Variants in C1QL3 observed in about 807,000 individuals in gnomAD.
C1QL3 encodes complement C1q-like protein 3.
A neutral mutation model predicts 16.6 loss-of-function variants in C1QL3; 4 were observed. The observed-to-expected ratio is 0.24, with a 90% CI of 0.12 to 0.55. The LOEUF (loss-of-function observed/expected upper bound fraction) is 0.55, where lower values mean the gene tolerates loss of function less well. Ranked by LOEUF, C1QL3 falls within the 20% of genes least tolerant of loss-of-function variation. C1QL3 has a pLI of 0.94. For missense variants in C1QL3, 269 were observed against 365.6 expected, an observed-to-expected ratio of 0.74 and a Z score of 2.16; for synonymous variants, 189 against 160.2, an observed-to-expected ratio of 1.18 and a Z score of -1.36.
Position 16,520,782 on chromosome 10 carries a change from T to C in C1QL3, c.284A>G (p.Glu95Gly), listed in dbSNP as rs2133543079. Residue 95 changes from glutamate to glycine, a missense_variant, in exon 1 of 2, where the codon GAG becomes GGG. Transcript: ENST00000298943. This position sits in a 1 kb window ranked among gnomAD's most constrained non-coding sequence, Gnocchi z 8.3. Reference protein sequence around the residue: ...GPMGPPGEKGEPGRQGLPGPP... With the variant: ...GPMGPPGEKGGPGRQGLPGPP... ...GCCCGGCAGGCCTTGGCGGCCCGGC[T>C]CGCCCTTCTCGCCCGGGGGCCCCAT... The C allele has an allele frequency of 7.7e-7, 1 of 1,298,382 alleles. No individual in the cohort carries two copies. Among genetic ancestry groups the C allele is most frequent in the Non-Finnish European group, 9.8e-7 (1 of 1,022,396 alleles). The allele number at this position is 1,298,382 out of a possible 1,614,324, so 80.4% of individuals were successfully genotyped here. A position where few individuals can be genotyped will look rare whatever the true frequency, so the allele number is the denominator to read the frequency against.
At chr10:16,514,929 A>T (rs1397036280) in intron 1 of C1QL3, among the ~76,000 whole-genome samples, 1 of 152,122 alleles carries the variant, frequency 6.6e-6, no homozygotes, top group African/African-American at 2.4e-5. Flanking sequence ...TTCAGTGGGG[A>T]CCATTCTGGC....
intron 1 of C1QL3, among the ~76,000 whole-genome samples, chr10:16,519,804 C>T (rs1298227764): frequency 6.6e-6 from 1 of 152,204 alleles, no homozygotes; most frequent in Non-Finnish European, 1.5e-5. Context: ...CCCCGAATCT[C>T]AACTATTCTT....
chr10:16,519,204 G>GAA (rs1022296771), intron 1 of C1QL3, among the ~76,000 whole-genome samples: 17 of 126,474 alleles, frequency 1.3e-4, no homozygotes, highest in African/African-American at 5.3e-4. Flanking sequence ...TAGGTCTTCC[G>GAA]AATCCTGCTT....
At chr10:16,519,139 A>ATTTTTTTTTTTTTT (rs1385047282) in intron 1 of C1QL3, among the ~76,000 whole-genome samples, 1 of 26,138 alleles carries the variant, frequency 3.8e-5, no homozygotes, top group African/African-American at 3.2e-4. Flanking sequence ...CGCATTTAGG[A>ATTTTTTTTTTTTTT]CTTTTTTTTT....
At chr10:16,517,894 T>C (rs1836978654) in intron 1 of C1QL3, among the ~76,000 whole-genome samples, 4 of 152,218 alleles carry the variant, frequency 2.6e-5, no homozygotes, top group African/African-American at 9.6e-5. Context: ...TTTACTGGTC[T>C]TTGATGTTTC....
chr10:16,517,770 A>G (rs1157122845), intron 1 of C1QL3, among the ~76,000 whole-genome samples: 1 of 152,212 alleles, frequency 6.6e-6, no homozygotes, highest in Non-Finnish European at 1.5e-5. Flanking sequence ...ATTAGAGATC[A>G]TATTTATGGT....
At position 16,521,084 on chromosome 10, in the gene C1QL3, G is replaced by C. The variant is rs766886131; in HGVS notation, c.-19C>G. The C allele has an allele frequency of 2.5e-6, 4 of 1,585,198 alleles. No homozygotes were observed. The highest frequency in any genetic ancestry group is 2.7e-5 in the African/African-American group (2 of 74,044). On this transcript the variant is annotated 5_prime_UTR_variant, in exon 1 of 2. Coordinates refer to ENST00000298943, the MANE Select transcript of C1QL3 (RefSeq NM_001010908.2). ...GCACCATCACCACCCCCAGCGCCCC[G>C]GCGGCGATCAGGCGCCTCCTGCTGC...
rs1837048545 is a variant in C1QL3, at chr10:16,521,778, G to GGAGC, written c.-717_-714dup. 1 of 153,032 alleles carries GGAGC rather than the reference G, an allele frequency of 6.5e-6. No individual in the cohort carries two copies. Among genetic ancestry groups the GGAGC allele is most frequent in the African/African-American group, 2.4e-5 (1 of 41,438 alleles). 9.5% of individuals were successfully genotyped at this position (153,032 alleles called of 1,614,324 possible). A position where few individuals can be genotyped will look rare whatever the true frequency, so the allele number is the denominator to read the frequency against. The stretch of plus-strand genomic sequence containing the variant: ...CGGCGAGGCTCAGAGCTGGGGCGGA[G>GGAGC]GAGCGAGCGAGCAGCGGCGAGCGCC... On this transcript the variant is annotated 5_prime_UTR_variant, in exon 1 of 2. Coordinates refer to ENST00000298943, the MANE Select transcript of C1QL3 (RefSeq NM_001010908.2).
At position 16,520,453 on chromosome 10, in the gene C1QL3, C is replaced by G; in HGVS notation, c.588+25G>C. ...CACCTTCCCGCGCTCCCTCCCCGCC[C>G]TCCCCGCCGCCCGCCCGCGCTCACC... is the stretch of plus-strand genomic sequence containing the variant. On this transcript the variant is annotated intron_variant, in intron 1 of 1. Transcript: ENST00000298943. This position sits in a 1 kb window ranked among gnomAD's most constrained non-coding sequence, Gnocchi z 8.3. 7.4e-7 allele frequency: 1 copy of G among 1,350,588 alleles called. No individual in the cohort carries two copies. The highest frequency in any genetic ancestry group is 1.0e-6 in the Non-Finnish European group (1 of 976,876). 83.7% of individuals were successfully genotyped at this position (1,350,588 alleles called of 1,614,324 possible).
rs994033893 is a variant in C1QL3, at chr10:16,521,117, C to T, written c.-52G>A. On this transcript the variant is annotated 5_prime_UTR_variant, in exon 1 of 2. Coordinates refer to ENST00000298943, the MANE Select transcript of C1QL3 (RefSeq NM_001010908.2). ...TCAGGCGCCTCCTGCTGCCCACCAG[C>T]CGGCTCAGCGCGGGGCGATCCTCTT... is the stretch of plus-strand genomic sequence containing the variant. The T allele has an allele frequency of 1.3e-6, 2 of 1,499,250 alleles. No individual in the cohort carries two copies. The highest frequency in any genetic ancestry group is 1.9e-5 in the Admixed American group (1 of 53,930). The allele number at this position is 1,499,250 out of a possible 1,614,324, so 92.9% of individuals were successfully genotyped here. A position where few individuals can be genotyped will look rare whatever the true frequency, so the allele number is the denominator to read the frequency against.
At chr10:16,515,073 A>G (rs1255455488) in intron 1 of C1QL3, among the ~76,000 whole-genome samples, 1 of 152,078 alleles carries the variant, frequency 6.6e-6, no homozygotes, top group Non-Finnish European at 1.5e-5. Context: ...TTTGCATTTT[A>G]ATTTAAGCCA....
chr10:16,521,072 C>T lies in C1QL3; in HGVS notation c.-7G>A, dbSNP rs1392954104. On this transcript the variant is annotated 5_prime_UTR_variant, in exon 1 of 2. Coordinates refer to ENST00000298943, the MANE Select transcript of C1QL3 (RefSeq NM_001010908.2). ...TCACCAGCAGCAGCACCATCACCACCCCCAGCGCCCCGGCGGCGATCAGGC... is the reference window on the plus strand; with the variant it reads ...TCACCAGCAGCAGCACCATCACCACTCCCAGCGCCCCGGCGGCGATCAGGC... 1.9e-6 allele frequency: 3 copies of T among 1,592,888 alleles called. No homozygotes were observed. The highest frequency in any genetic ancestry group is 4.5e-5 in the East Asian group (2 of 44,210).
Position 16,521,009 on chromosome 10 carries a change from C to A in C1QL3, c.57G>T (p.Ser19=). Residue 19 remains serine (S), a synonymous_variant, in exon 1 of 2, where the codon TCG becomes TCT. Coordinates refer to ENST00000298943, the MANE Select transcript of C1QL3 (RefSeq NM_001010908.2). Reference sequence around the variant, plus strand: ...AGGTGCCCAGCATCTCGTAGTGCGCCGACGTGCCGGCCGAGCTCACCAGCA... The same window carrying A: ...AGGTGCCCAGCATCTCGTAGTGCGCAGACGTGCCGGCCGAGCTCACCAGCA... ...IPVLVSSAGT[S]AHYEMLGTCR... 1 of 1,598,988 alleles carries A rather than the reference C, an allele frequency of 6.3e-7. No homozygotes were observed. Among genetic ancestry groups the A allele is most frequent in the Non-Finnish European group, 8.5e-7 (1 of 1,178,244 alleles).
rs1219475795 is a variant in C1QL3 at position 16,521,302 on chromosome 10, G to C, written c.-237C>G. ...CTGCGGCTGGGGAGGGAGCGCGGGC[G>C]CCCAGTGACTTGAGCCGAAGTCCCG... is the stretch of plus-strand genomic sequence containing the variant. On this transcript the variant is annotated 5_prime_UTR_variant, in exon 1 of 2. Transcript: ENST00000298943. The C allele has an allele frequency of 2.5e-5, 12 of 474,528 alleles. No individual in the cohort carries two copies. Among genetic ancestry groups the C allele is most frequent in the Non-Finnish European group, 4.1e-5 (11 of 270,348 alleles). The allele number at this position is 474,528 out of a possible 1,614,324, so 29.4% of individuals were successfully genotyped here. A position where few individuals can be genotyped will look rare whatever the true frequency, so the allele number is the denominator to read the frequency against.
chr10:16,515,551 T>G (rs534286788), intron 1 of C1QL3, among the ~76,000 whole-genome samples: 1 of 152,290 alleles, frequency 6.6e-6, no homozygotes, highest in African/African-American at 2.4e-5. Context: ...ATATGTGGCT[T>G]GATTTGAGGG....
Position 16,516,437 on chromosome 10 carries a change from C to T in C1QL3, c.589-1730G>A, listed in dbSNP as rs537542528. ...TTGCTATTATGACTTGTGTTTTTTT[C>T]TCATCTTTGGATTTTTAATGGTGAA... On this transcript the variant is annotated intron_variant, in intron 1 of 1. Transcript: ENST00000298943. Among the ~76,000 whole-genome samples the T allele has an allele frequency of 3.8e-3, 585 of 151,950 alleles. 3 individuals are homozygous for T. Among genetic ancestry groups the T allele is most frequent in the Non-Finnish European group, 6.7e-3 (458 of 67,948 alleles).
chr10:16,516,303 T>A (rs1340252041), intron 1 of C1QL3, among the ~76,000 whole-genome samples: 1 of 152,216 alleles, frequency 6.6e-6, no homozygotes, highest in African/African-American at 2.4e-5. Context: ...CAGTTTGACT[T>A]CATAATATTT....
intron 1 of C1QL3, among the ~76,000 whole-genome samples, chr10:16,515,311 G>A (rs910637755): frequency 6.6e-6 from 1 of 151,402 alleles, no homozygotes; most frequent in South Asian, 2.1e-4. Flanking sequence ...TGCTTCAGAA[G>A]CTTAGCTCAT....
At chr10:16,514,943 C>G (rs1454751872) in intron 1 of C1QL3, among the ~76,000 whole-genome samples, 1 of 152,114 alleles carries the variant, frequency 6.6e-6, no homozygotes, top group African/African-American at 2.4e-5. Context: ...TTCTGGCAGT[C>G]TTATCTAACT....
Sources: gnomAD v4.1 joint callset for allele counts (sites outside exome capture counted in the v4.1 genomes callset) on GRCh38, gnomAD v4.1.1 for gene constraint, Gnocchi (gnomAD v3.1) non-coding constraint, MANE v1.5 for transcripts, NCBI Gene and HGNC (gene_info 2026-07-23, HGNC 2026-07-21) for gene names.